The following WWOX variants were observed in gnomAD, a reference collection of about 807,000 sequenced individuals.
WWOX encodes the protein WW domain-containing oxidoreductase.
In WWOX, 69 loss-of-function variants were observed where a neutral mutation model predicts 46.2. The observed-to-expected ratio is 1.49, with a 90% CI of 1.23 to 1.82. The LOEUF is 1.82. WWOX is among the 40% of genes most tolerant of loss of function. The probability of loss-of-function intolerance (pLI) is 0.00; values close to 1 mark genes in which losing one functional copy is unlikely to be tolerated. For missense variants in WWOX, 919 were observed against 542.6 expected, an observed-to-expected ratio of 1.69 and a Z score of -6.89; for synonymous variants, 359 against 202.6, an observed-to-expected ratio of 1.77 and a Z score of -6.56.
At chr16:78,265,828 A>C (rs2079350967) in intron 5 of WWOX, 1 of 152,098 alleles carries the variant, frequency 6.6e-6, no homozygotes, top group South Asian at 2.1e-4. Context: ...GTTATTTGTC[A>C]AGTAAATAGA....
chr16:78,640,344 A>G (rs1217865247), intron 8 of WWOX, among the ~76,000 whole-genome samples: 1 of 144,682 alleles, frequency 6.9e-6, no homozygotes, highest in East Asian at 2.1e-4. Context: ...TCCCTTGAAA[A>G]TTTGGAGTGC....
At chr16:79,207,662 TTTC>T (rs1453702355) in intron 8 of WWOX, among the ~76,000 whole-genome samples, 8 of 152,212 alleles carry the variant, frequency 5.3e-5, no homozygotes, top group African/African-American at 1.7e-4. Context: ...GAATCTCCTC[TTTC>T]TTTTAAATGA....
intron 8 of WWOX, among the ~76,000 whole-genome samples, chr16:78,615,590 G>C (rs1487578572): frequency 5.3e-5 from 8 of 151,984 alleles, no homozygotes; most frequent in South Asian, 2.1e-4. Flanking sequence ...CCAGGAGTTG[G>C]AGGTTGCTGC....
chr16:79,134,496 G>A (rs1025279625), intron 8 of WWOX, among the ~76,000 whole-genome samples: 24 of 152,252 alleles, frequency 1.6e-4, no homozygotes, highest in Non-Finnish European at 1.6e-4. Flanking sequence ...TGTGCCTGCG[G>A]ATTGTTTGTT....
intron 8 of WWOX, among the ~76,000 whole-genome samples, chr16:78,916,130 C>T (rs923325088): frequency 2.6e-5 from 4 of 152,064 alleles, no homozygotes; most frequent in Non-Finnish European, 5.9e-5. Context: ...CACAGATAAC[C>T]GTCCCATCTT....
intron 5 of WWOX, among the ~76,000 whole-genome samples, chr16:78,378,230 G>A (rs958754275): frequency 2.0e-5 from 3 of 151,934 alleles, no homozygotes. Flanking sequence ...TTTATTAAAA[G>A]CAAAGTGATA....
At chr16:78,185,531 G>A (rs1464282460) in intron 5 of WWOX, among the ~76,000 whole-genome samples, 12 of 151,568 alleles carry the variant, frequency 7.9e-5, no homozygotes, top group Admixed American at 7.9e-4. Context: ...AAGCTCATTG[G>A]TAGAGAGCTT....
intron 5 of WWOX, among the ~76,000 whole-genome samples, chr16:78,177,760 G>C (rs180770239): frequency 6.6e-6 from 1 of 152,224 alleles, no homozygotes; most frequent in Non-Finnish European, 1.5e-5. Flanking sequence ...GACTGAGATA[G>C]ACAGACATTT....
At chr16:79,024,579 A>G (rs1039836758) in intron 8 of WWOX, among the ~76,000 whole-genome samples, 14 of 151,968 alleles carry the variant, frequency 9.2e-5, no homozygotes, top group East Asian at 5.8e-4. Flanking sequence ...GACTACAGGC[A>G]CCCACCACCA....
rs73576479 is a variant in WWOX, at chr16:78,340,575, A to G, written c.517-46285A>G. ...TCTGTTTCTATCTAAGTAGAATTCA[A>G]AGTTACTGCTGCCAACTCTTAGCAC... On this transcript the variant is annotated intron_variant, in intron 5 of 8. Transcript: ENST00000566780. 7.5e-5 allele frequency among the ~76,000 whole-genome samples: 9 copies of G among 120,212 alleles called. 2 individuals are homozygous for G. Among genetic ancestry groups the G allele is most frequent in the East Asian group, 3.9e-4 (2 of 5,176 alleles). 78.9% of individuals were successfully genotyped at this position (120,212 alleles called of 152,430 possible).
chr16:78,452,398 TTG>T (rs1024812941), intron 8 of WWOX, among the ~76,000 whole-genome samples: 1 of 152,128 alleles, frequency 6.6e-6, no homozygotes, highest in South Asian at 2.1e-4. Flanking sequence ...TTAGATATGT[TTG>T]TGTGTGTATG....
chr16:79,114,624 C>G (rs903450931), intron 8 of WWOX, among the ~76,000 whole-genome samples: 2 of 152,208 alleles, frequency 1.3e-5, no homozygotes, highest in East Asian at 3.9e-4. Context: ...TGAATTCAGA[C>G]TCTTTGAGTT....
chr16:79,171,589 C>T (rs1009409824), intron 8 of WWOX, among the ~76,000 whole-genome samples: 1 of 152,160 alleles, frequency 6.6e-6, no homozygotes, highest in African/African-American at 2.4e-5. Context: ...TCACAGTGGG[C>T]TTACAAATGC....
At chr16:78,879,847 A>G (rs914607976) in intron 8 of WWOX, among the ~76,000 whole-genome samples, 1 of 150,522 alleles carries the variant, frequency 6.6e-6, no homozygotes, top group Non-Finnish European at 1.5e-5. Flanking sequence ...ATTGTACTCC[A>G]GCCTGGGCAA....
At chr16:78,964,183 C>A (rs1271696657) in intron 8 of WWOX, among the ~76,000 whole-genome samples, 3 of 152,186 alleles carry the variant, frequency 2.0e-5, no homozygotes, top group African/African-American at 7.2e-5. Flanking sequence ...GTGGAAGTGA[C>A]TTTGGAACTG....
In WWOX at chr16:78,146,208, G is replaced by A. The variant is rs895094208; in HGVS notation, c.410-17975G>A. Reference sequence around the variant, plus strand: ...GGAGTACTTGCCTCCCAAGTGCTTAGGCTCCCGCTGCTGACAAGACCCTCT... The same window carrying A: ...GGAGTACTTGCCTCCCAAGTGCTTAAGCTCCCGCTGCTGACAAGACCCTCT... On this transcript the variant is annotated intron_variant, in intron 4 of 8. Coordinates refer to ENST00000566780, the MANE Select transcript of WWOX (RefSeq NM_016373.4). Among the ~76,000 whole-genome samples the A allele has an allele frequency of 9.2e-5, 14 of 152,092 alleles. No individual in the cohort carries two copies. The South Asian group carries it at 1.9e-3, about 20-fold the overall frequency.
chr16:78,141,993 C>CT (rs34178361), intron 4 of WWOX, among the ~76,000 whole-genome samples: 47 of 145,994 alleles, frequency 3.2e-4, no homozygotes, highest in Middle Eastern at 3.6e-3. Context: ...TTTTAAATTT[C>CT]TTTTTTTTTT....
chr16:78,894,619 C>T (rs75088500), intron 8 of WWOX, among the ~76,000 whole-genome samples: 10,816 of 152,016 alleles, frequency 0.071, 549 homozygotes, highest in Non-Finnish European at 0.11. Context: ...ATTAATGTGT[C>T]GAGGGAGCAA....
At chr16:78,751,425 A>ATG (rs2049472900) in intron 8 of WWOX, among the ~76,000 whole-genome samples, 2 of 145,972 alleles carry the variant, frequency 1.4e-5, no homozygotes, top group African/African-American at 5.0e-5. Context: ...TTATATATAT[A>ATG]TATATTTATC....
Sources: allele counts gnomAD v4.1 joint callset (sites outside exome capture counted in the v4.1 genomes callset), GRCh38; gene constraint gnomAD v4.1.1; transcripts MANE v1.5; gene names NCBI Gene and HGNC (gene_info 2026-07-23, HGNC 2026-07-21).